The following PCDH9 variants were observed in gnomAD, a reference collection of about 807,000 sequenced individuals.
The protein encoded by PCDH9 is protocadherin 9.
Under a neutral mutation model 70.6 loss-of-function variants are expected in PCDH9, and 24 were observed. The observed-to-expected ratio is 0.34, with a 90% confidence interval of 0.25 to 0.48. The LOEUF is 0.48. PCDH9 is among the 20% of genes least tolerant of loss of function. The pLI is 0.99. For missense variants in PCDH9, 1,281 were observed against 1,503.6 expected (o/e 0.85, Z 2.45); for synonymous variants, 562 against 558.5 (o/e 1.01, Z -0.09).
chr13:66,650,738 C>G (rs1457731084), intron 3 of PCDH9, among the ~76,000 whole-genome samples: 1 of 151,912 alleles, frequency 6.6e-6, no homozygotes, highest in African/African-American at 2.4e-5. Flanking sequence ...ACACATTATT[C>G]TCCTCAGTAC....
intron 4 of PCDH9, among the ~76,000 whole-genome samples, chr13:66,315,040 G>C (rs74093045): frequency 6.6e-6 from 1 of 152,174 alleles, no homozygotes; most frequent in African/African-American, 2.4e-5. Context: ...AGGACGGGAA[G>C]GATTCAATTG....
chr13:67,225,780 G>A lies in PCDH9; in HGVS notation c.2661C>T (p.Ile887=), dbSNP rs1458629423. The A allele has an allele frequency of 5.0e-6, 8 of 1,613,936 alleles. No individual in the cohort carries two copies. In the African/African-American group the frequency reaches 5.3e-5, roughly 11 times the overall value. The change falls in exon 2 of 5, where the codon ATC becomes ATT. Residue 887 remains isoleucine, a synonymous_variant. Coordinates refer to ENST00000377865, the MANE Select transcript of PCDH9 (RefSeq NM_203487.3). ...PKSSLLNFVT[I]EESKPDDAVH... ...CTGCATCATCGGGTTTGGACTCTTC[G>A]ATAGTAACAAAGTTCAAAAGAGAGC...
intron 4 of PCDH9, among the ~76,000 whole-genome samples, chr13:66,628,438 C>T (rs1566466710): frequency 6.6e-6 from 1 of 152,174 alleles, no homozygotes; most frequent in Non-Finnish European, 1.5e-5. Context: ...TTAGAATTTA[C>T]TATTTCTAAA....
chr13:66,701,271 A>C (rs1247620917), intron 3 of PCDH9, among the ~76,000 whole-genome samples: 1 of 151,284 alleles, frequency 6.6e-6, no homozygotes, highest in East Asian at 1.9e-4. Flanking sequence ...TTTTGTGTAT[A>C]TATATATACA....
At position 67,112,662 on chromosome 13, in the gene PCDH9, C is replaced by T. The variant is rs994540112; in HGVS notation, c.3036+112743G>A. Among the ~76,000 whole-genome samples, 3 of 151,272 alleles carry T rather than the reference C, an allele frequency of 2.0e-5. No homozygotes were observed. The East Asian group carries it at 5.9e-4, about 30-fold the overall frequency. ...CTCTTTCTCTCTCCCTCCCTCCCTT[C>T]CTCCCTCCCTTCCTCCCTCGCTCCC... On this transcript the variant is annotated intron_variant, in intron 2 of 4. Coordinates refer to ENST00000377865, the MANE Select transcript of PCDH9 (RefSeq NM_203487.3).
At chr13:66,508,256 G>C (rs1219734714) in intron 4 of PCDH9, among the ~76,000 whole-genome samples, 1 of 152,148 alleles carries the variant, frequency 6.6e-6, no homozygotes, top group African/African-American at 2.4e-5. Flanking sequence ...GGGATTAGGG[G>C]AGGAGGGAAT....
At chr13:66,619,861 A>T (rs2077401842) in intron 4 of PCDH9, among the ~76,000 whole-genome samples, 1 of 152,060 alleles carries the variant, frequency 6.6e-6, no homozygotes, top group African/African-American at 2.4e-5. Context: ...CCTAAATATA[A>T]GGTTGCAGTG....
chr13:66,711,575 A>C (rs1204162039), intron 3 of PCDH9, among the ~76,000 whole-genome samples: 3 of 152,094 alleles, frequency 2.0e-5, no homozygotes, highest in South Asian at 4.1e-4. Flanking sequence ...ATACAATGTT[A>C]TTTCATGTTC....
At chr13:66,393,323 A>G (rs1957049732) in intron 4 of PCDH9, among the ~76,000 whole-genome samples, 1 of 152,172 alleles carries the variant, frequency 6.6e-6, no homozygotes, top group Admixed American at 6.6e-5. Flanking sequence ...GGTGGAAAAA[A>G]AGAAGGCCTG....
chr13:67,169,216 A>G (rs2088209335), intron 2 of PCDH9, among the ~76,000 whole-genome samples: 1 of 152,214 alleles, frequency 6.6e-6, no homozygotes, highest in African/African-American at 2.4e-5. Context: ...CAAGAGTGCA[A>G]ATATGAAGCC....
chr13:66,549,843 A>T lies in PCDH9; in HGVS notation c.3340+81367T>A, dbSNP rs553509553. Among the ~76,000 whole-genome samples the T allele has an allele frequency of 9.2e-5, 14 of 152,200 alleles. 1 individual carries two copies. The South Asian group carries it at 2.7e-3, about 29-fold the overall frequency. ...CAGCCAGCCTGGGCAAAATGGCGAG[A>T]CCCTATCTCTATTTAAAACAAAAAG... is the stretch of plus-strand genomic sequence containing the variant. On this transcript the variant is annotated intron_variant, in intron 4 of 4. Coordinates refer to ENST00000377865, the MANE Select transcript of PCDH9 (RefSeq NM_203487.3).
chr13:66,874,804 C>T (rs558921424), intron 3 of PCDH9, among the ~76,000 whole-genome samples: 84 of 152,124 alleles, frequency 5.5e-4, no homozygotes, highest in African/African-American at 2.0e-3. Flanking sequence ...ATATCAAATC[C>T]TCTGTTAAAT....
At chr13:66,506,267 C>A (rs1023335591) in intron 4 of PCDH9, among the ~76,000 whole-genome samples, 1 of 152,154 alleles carries the variant, frequency 6.6e-6, no homozygotes, top group Admixed American at 6.6e-5. Flanking sequence ...TAAGTTTACA[C>A]ATGCTTTGCT....
At chr13:66,805,363 C>A (rs1386474981) in intron 3 of PCDH9, among the ~76,000 whole-genome samples, 2 of 152,102 alleles carry the variant, frequency 1.3e-5, no homozygotes, top group Non-Finnish European at 2.9e-5. Flanking sequence ...TGCAATAATT[C>A]AGGGATGGTG....
intron 2 of PCDH9, among the ~76,000 whole-genome samples, chr13:66,935,924 C>CA (rs940170593): frequency 0.02 from 2,875 of 144,746 alleles, 97 homozygotes; most frequent in African/African-American, 0.066. Context: ...ACTAAAAATA[C>CA]AAAAAAAAAA....
intron 4 of PCDH9, among the ~76,000 whole-genome samples, chr13:66,564,766 A>C (rs550010137): frequency 1.1e-4 from 16 of 152,192 alleles, no homozygotes; most frequent in African/African-American, 3.9e-4. Context: ...GTCAATAGGG[A>C]GTTATCTCCC....
intron 4 of PCDH9, among the ~76,000 whole-genome samples, chr13:66,508,663 T>TAA (rs113394221): frequency 2.0e-5 from 3 of 151,188 alleles, no homozygotes; most frequent in South Asian, 2.1e-4. Flanking sequence ...GGGATATTCA[T>TAA]AAAAAAAAAC....
chr13:67,145,073 G>C (rs1220267410), intron 2 of PCDH9, among the ~76,000 whole-genome samples: 1 of 152,016 alleles, frequency 6.6e-6, no homozygotes, highest in Non-Finnish European at 1.5e-5. Context: ...ATTTGACATA[G>C]AATAACAGGG....
chr13:66,733,134 C>A (rs1008122999), intron 3 of PCDH9, among the ~76,000 whole-genome samples: 11 of 152,186 alleles, frequency 7.2e-5, no homozygotes, highest in African/African-American at 2.4e-4. Context: ...TCAGACCTGG[C>A]TCTGTGGCTT....
Sources: gnomAD v4.1 joint callset for allele counts (sites outside exome capture counted in the v4.1 genomes callset) on GRCh38, gnomAD v4.1.1 for gene constraint, MANE v1.5 for transcripts, NCBI Gene and HGNC (gene_info 2026-07-23, HGNC 2026-07-21) for gene names.